The following CNTNAP2 variants were observed in gnomAD, a reference collection of about 807,000 sequenced individuals.
CNTNAP2 encodes contactin associated protein 2.
Under a neutral mutation model 155.2 loss-of-function variants are expected in CNTNAP2, and 98 were observed. The ratio of observed to expected loss-of-function variants is 0.63; its 90% confidence interval spans 0.54 to 0.75. The LOEUF (loss-of-function observed/expected upper bound fraction) is 0.75, where lower values mean the gene tolerates loss of function less well. Among genes scored for constraint, CNTNAP2 ranks in the 30% least tolerant of loss-of-function variants. CNTNAP2 has a pLI of 0.00. For missense variants in CNTNAP2, 1,727 were observed against 1,688.1 expected (o/e 1.02, Z -0.40); for synonymous variants, 651 against 631.2 (o/e 1.03, Z -0.47).
chr7:147,821,247 T>C (rs1419958379), intron 13 of CNTNAP2, among the ~76,000 whole-genome samples: 3 of 152,170 alleles, frequency 2.0e-5, no homozygotes, highest in Admixed American at 2.0e-4. Context: ...ATAGGAAATG[T>C]ATTCTTTCTC....
At chr7:148,166,910 C>T (rs1300565046) in intron 17 of CNTNAP2, among the ~76,000 whole-genome samples, 1 of 151,866 alleles carries the variant, frequency 6.6e-6, no homozygotes, top group Admixed American at 6.6e-5. Flanking sequence ...GATTCTAGTG[C>T]ATTAATGTCT....
chr7:147,414,959 A>AAAAAG (rs1361454159), intron 10 of CNTNAP2, among the ~76,000 whole-genome samples: 1 of 150,588 alleles, frequency 6.6e-6, no homozygotes, highest in African/African-American at 2.4e-5. Context: ...AAAAAAAAAA[A>AAAAAG]AAAAGAAAAG....
intron 3 of CNTNAP2, among the ~76,000 whole-genome samples, chr7:146,882,382 A>G (rs1293597941): frequency 1.3e-5 from 2 of 152,016 alleles, no homozygotes; most frequent in East Asian, 3.9e-4. Flanking sequence ...TTGTAATCCA[A>G]ATTATAATCC....
In CNTNAP2 at chr7:147,697,572, G is replaced by T. The variant is rs1454612155; in HGVS notation, c.2098+58266G>T. 2.0e-5 allele frequency among the ~76,000 whole-genome samples: 3 copies of T among 152,074 alleles called. No individual in the cohort carries two copies. In the East Asian group the frequency reaches 5.8e-4, roughly 29 times the overall value. ...CTTTATTAATATAGTGATACGTTGT[G>T]GGGGAGCGGGGAAGCATTCTATGAT... On this transcript the variant is annotated intron_variant, in intron 13 of 23. Coordinates refer to ENST00000361727, the MANE Select transcript of CNTNAP2 (RefSeq NM_014141.6).
At chr7:146,159,385 T>C (rs1798180331) in intron 1 of CNTNAP2, among the ~76,000 whole-genome samples, 1 of 152,138 alleles carries the variant, frequency 6.6e-6, no homozygotes, top group Non-Finnish European at 1.5e-5. Context: ...AATTCACACA[T>C]AACAATATTA....
chr7:146,727,141 C>T (rs561118829), intron 1 of CNTNAP2, among the ~76,000 whole-genome samples: 1 of 152,110 alleles, frequency 6.6e-6, no homozygotes, highest in Non-Finnish European at 1.5e-5. Context: ...CCAGTATCAG[C>T]AGTTTTCAGG....
intron 1 of CNTNAP2, among the ~76,000 whole-genome samples, chr7:146,123,676 T>C (rs1797594907): frequency 6.9e-6 from 1 of 144,266 alleles, no homozygotes; most frequent in African/African-American, 2.4e-5. Context: ...TCAATTATAG[T>C]ATTATTTGAA....
At chr7:147,599,019 C>T (rs1222299418) in intron 12 of CNTNAP2, among the ~76,000 whole-genome samples, 1 of 152,142 alleles carries the variant, frequency 6.6e-6, no homozygotes, top group Admixed American at 6.5e-5. Flanking sequence ...TCAGGTAAGT[C>T]TTCATTAGCA....
chr7:146,662,263 G>A (rs1022644516), intron 1 of CNTNAP2, among the ~76,000 whole-genome samples: 1 of 151,914 alleles, frequency 6.6e-6, no homozygotes, highest in African/African-American at 2.4e-5. Flanking sequence ...TTCGCCACCC[G>A]AGTAGCTGGA....
intron 1 of CNTNAP2, among the ~76,000 whole-genome samples, chr7:146,670,353 A>T (rs1800280731): frequency 6.6e-6 from 1 of 152,152 alleles, no homozygotes; most frequent in Non-Finnish European, 1.5e-5. Context: ...CCTGCACCTC[A>T]TTCCAGCGTA....
chr7:148,115,274 A>G (rs1021278585), intron 15 of CNTNAP2, among the ~76,000 whole-genome samples: 2 of 152,248 alleles, frequency 1.3e-5, no homozygotes, highest in African/African-American at 2.4e-5. Flanking sequence ...TGGGCCTCAA[A>G]TAAATACTGA....
intron 21 of CNTNAP2, among the ~76,000 whole-genome samples, chr7:148,268,706 C>T (rs1283262104): frequency 6.6e-6 from 1 of 151,968 alleles, no homozygotes; most frequent in East Asian, 1.9e-4. Context: ...TTACTGTAGG[C>T]CAGGCTCCAG....
chr7:147,167,612 G>A lies in CNTNAP2; in HGVS notation c.1348+35103G>A, dbSNP rs141795639. Reference sequence around the variant, plus strand: ...GCTGGAGCCCAGCATCAGAAGTCTAGTTTTATATGCAGCTGTCCTGTGATA... The same window carrying A: ...GCTGGAGCCCAGCATCAGAAGTCTAATTTTATATGCAGCTGTCCTGTGATA... On this transcript the variant is annotated intron_variant, in intron 8 of 23. Transcript: ENST00000361727. 259 of 659,352 alleles carry A rather than the reference G, an allele frequency of 3.9e-4. 1 individual carries two copies. In the African/African-American group the frequency reaches 4.6e-3, roughly 12 times the overall value. The allele number at this position is 659,352 out of a possible 1,614,324, so 40.8% of individuals were successfully genotyped here.
chr7:146,259,970 T>C (rs1409548974), intron 1 of CNTNAP2, among the ~76,000 whole-genome samples: 1 of 152,176 alleles, frequency 6.6e-6, no homozygotes, highest in Non-Finnish European at 1.5e-5. Context: ...GAAAAATAGT[T>C]TCCTGGGCCA....
chr7:146,773,569 A>G (rs986597037), intron 1 of CNTNAP2, among the ~76,000 whole-genome samples: 2 of 151,988 alleles, frequency 1.3e-5, no homozygotes, highest in African/African-American at 4.8e-5. Context: ...TTAATTTATC[A>G]TTTTTAGTAG....
chr7:146,775,886 T>A (rs565290192), intron 2 of CNTNAP2, among the ~76,000 whole-genome samples: 1 of 152,158 alleles, frequency 6.6e-6, no homozygotes, highest in South Asian at 2.1e-4. Context: ...TAGAGGAACA[T>A]AACAAAAATG....
intron 1 of CNTNAP2, among the ~76,000 whole-genome samples, chr7:146,381,192 A>AACATGT (rs1486018121): frequency 2.0e-5 from 3 of 151,954 alleles, no homozygotes; most frequent in Non-Finnish European, 4.4e-5. Context: ...ACAAGCAGAG[A>AACATGT]CTCAATGCAC....
At chr7:146,822,542 G>C (rs529535992) in intron 2 of CNTNAP2, among the ~76,000 whole-genome samples, 1 of 150,226 alleles carries the variant, frequency 6.7e-6, no homozygotes, top group African/African-American at 2.4e-5. Context: ...AATAATGCTC[G>C]TTGTTTTGTT....
intron 11 of CNTNAP2, among the ~76,000 whole-genome samples, chr7:147,554,615 C>T (rs556986543): frequency 3.3e-5 from 5 of 152,138 alleles, no homozygotes; most frequent in African/African-American, 1.2e-4. Flanking sequence ...TCCTAATTTC[C>T]TCCCTCCCCT....
Sources: allele counts gnomAD v4.1 joint callset (sites outside exome capture counted in the v4.1 genomes callset), GRCh38; gene constraint gnomAD v4.1.1; transcripts MANE v1.5; gene names NCBI Gene and HGNC (gene_info 2026-07-23, HGNC 2026-07-21).